Variants in TMEM178B observed in about 807,000 individuals in gnomAD.
TMEM178B encodes the protein transmembrane protein 178B.
In TMEM178B, 5 loss-of-function variants were observed where a neutral mutation model predicts 31.0. That is an observed-to-expected ratio of 0.16 (90% CI 0.08 to 0.34). The LOEUF is 0.34. TMEM178B is among the 10% of genes least tolerant of loss of function. The pLI, the probability that TMEM178B is intolerant of heterozygous loss-of-function variation, is 1.00. For synonymous variants in TMEM178B, 164 were observed against 164.0 expected (o/e 1.00, Z 0.00); for missense variants, 275 against 400.3 (o/e 0.69, Z 2.67).
chr7:141,308,309 GT>G (rs1428655150), intron 2 of TMEM178B, among the ~76,000 whole-genome samples: 3 of 152,228 alleles, frequency 2.0e-5, no homozygotes, highest in Non-Finnish European at 4.4e-5. Flanking sequence ...CTGCTGACAG[GT>G]GGGGCGGGAA....
intron 2 of TMEM178B, among the ~76,000 whole-genome samples, chr7:141,377,888 T>G (rs1800246963): frequency 6.6e-6 from 1 of 152,226 alleles, no homozygotes; most frequent in Admixed American, 6.5e-5. Context: ...TTTCCCTTAC[T>G]GTTAACATAT....
intron 2 of TMEM178B, among the ~76,000 whole-genome samples, chr7:141,433,043 T>C (rs1181739): frequency 0.59 from 89,790 of 152,058 alleles, 27,465 homozygotes; most frequent in African/African-American, 0.76. Context: ...TCAACATCCA[T>C]ATGCACACAG....
In TMEM178B at chr7:141,212,508, C is replaced by G. The variant is rs1797066627; in HGVS notation, c.383-83C>G. The G allele has an allele frequency of 2.5e-6, 3 of 1,186,722 alleles. No homozygotes were observed. In the African/African-American group the frequency reaches 4.6e-5, roughly 18 times the overall value. The allele number at this position is 1,186,722 out of a possible 1,614,324, so 73.5% of individuals were successfully genotyped here. A position where few individuals can be genotyped will look rare whatever the true frequency, so the allele number is the denominator to read the frequency against. The stretch of plus-strand genomic sequence containing the variant: ...CCAATATGAAAGAAGTCTTCTTCTC[C>G]AGGATGGAAAAATTAATCCCAGAAC... On this transcript the variant is annotated intron_variant, in intron 1 of 3. Coordinates refer to ENST00000565468, the MANE Select transcript of TMEM178B (RefSeq NM_001195278.2).
chr7:141,398,839 T>A (rs1800702734), intron 2 of TMEM178B, among the ~76,000 whole-genome samples: 1 of 152,106 alleles, frequency 6.6e-6, no homozygotes, highest in African/African-American at 2.4e-5. Context: ...GCCAAGATCA[T>A]CAAGCTAGGA....
intron 2 of TMEM178B, among the ~76,000 whole-genome samples, chr7:141,312,994 C>T (rs1023715651): frequency 3.3e-5 from 5 of 152,178 alleles, no homozygotes; most frequent in South Asian, 4.1e-4. Flanking sequence ...TAAAGAATGC[C>T]TAGCTGTCTG....
chr7:141,149,371 C>T (rs1795916657), intron 1 of TMEM178B, among the ~76,000 whole-genome samples: 1 of 152,046 alleles, frequency 6.6e-6, no homozygotes, highest in African/African-American at 2.4e-5. Flanking sequence ...ATGGGAAAAC[C>T]CCATCTCTAC....
intron 1 of TMEM178B, among the ~76,000 whole-genome samples, chr7:141,139,805 G>T (rs1586791284): frequency 6.7e-6 from 1 of 149,476 alleles, no homozygotes; most frequent in African/African-American, 2.5e-5. Context: ...CACTCTTGTT[G>T]TCTAGGTTGG....
chr7:141,191,243 T>C (rs1245495697), intron 1 of TMEM178B, among the ~76,000 whole-genome samples: 2 of 152,240 alleles, frequency 1.3e-5, no homozygotes, highest in Middle Eastern at 3.2e-3. Context: ...TGCATGCATG[T>C]ACCATAATTT....
intron 1 of TMEM178B, among the ~76,000 whole-genome samples, chr7:141,139,917 C>G (rs912232602): frequency 5.9e-5 from 9 of 151,930 alleles, no homozygotes; most frequent in African/African-American, 2.2e-4. Context: ...AGGTGGCCAC[C>G]ACCACACCCA....
At chr7:141,305,438 T>C (rs542771720) in intron 2 of TMEM178B, among the ~76,000 whole-genome samples, 1 of 152,016 alleles carries the variant, frequency 6.6e-6, no homozygotes, top group South Asian at 2.1e-4. Context: ...CTTTTTTTCT[T>C]TTTTTTTGAG....
chr7:141,368,804 A>T, intron 2 of TMEM178B, among the ~76,000 whole-genome samples: 1 of 152,236 alleles, frequency 6.6e-6, no homozygotes, highest in Admixed American at 6.5e-5. Flanking sequence ...TTCCAATGGT[A>T]TGAAAACATT....
In TMEM178B at chr7:141,437,051, C is replaced by T. The variant is rs1005336; in HGVS notation, c.497-557C>T. ...TGAAGGAACAGAACACCAGACCCCC[C>T]ATGCTGTTAGCTTTCCCTCACCTGC... On this transcript the variant is annotated intron_variant, in intron 2 of 3. Transcript: ENST00000565468. Among the ~76,000 whole-genome samples, 416 of 152,278 alleles carry T rather than the reference C, an allele frequency of 2.7e-3. 18 individuals carry two copies. The East Asian group carries it at 0.07, about 26-fold the overall frequency.
At chr7:141,193,462 G>A (rs879286782) in intron 1 of TMEM178B, among the ~76,000 whole-genome samples, 2 of 152,200 alleles carry the variant, frequency 1.3e-5, no homozygotes, top group Non-Finnish European at 2.9e-5. Context: ...CCATCAGCAC[G>A]AGTTGCTCCT....
At chr7:141,227,410 C>T (rs563968759) in intron 2 of TMEM178B, among the ~76,000 whole-genome samples, 1 of 152,364 alleles carries the variant, frequency 6.6e-6, no homozygotes, top group South Asian at 2.1e-4. Flanking sequence ...ATAATCACCA[C>T]TTACTGACAG....
intron 2 of TMEM178B, among the ~76,000 whole-genome samples, chr7:141,400,566 C>T (rs1435833702): frequency 1.3e-5 from 2 of 152,192 alleles, no homozygotes; most frequent in Admixed American, 1.3e-4. Context: ...GCCTTTCACC[C>T]ATACTCTTGT....
intron 1 of TMEM178B, among the ~76,000 whole-genome samples, chr7:141,186,963 T>C (rs1159155240): frequency 6.6e-6 from 1 of 152,138 alleles, no homozygotes; most frequent in Non-Finnish European, 1.5e-5. Context: ...TATTATACTT[T>C]AAGTTCTAGG....
At chr7:141,240,783 T>C (rs1394696555) in intron 2 of TMEM178B, among the ~76,000 whole-genome samples, 1 of 152,244 alleles carries the variant, frequency 6.6e-6, no homozygotes, top group East Asian at 1.9e-4. Context: ...TCTACTGCTC[T>C]GAGTTTGTGT....
At chr7:141,170,344 C>G (rs1451575913) in intron 1 of TMEM178B, among the ~76,000 whole-genome samples, 1 of 152,042 alleles carries the variant, frequency 6.6e-6, no homozygotes, top group Non-Finnish European at 1.5e-5. Context: ...CTTACAGGAC[C>G]CCCAAAATAG....
chr7:141,378,565 A>G (rs944071643), intron 2 of TMEM178B, among the ~76,000 whole-genome samples: 4 of 152,152 alleles, frequency 2.6e-5, no homozygotes, highest in Non-Finnish European at 5.9e-5. Context: ...ATTGCCGGAG[A>G]TGGTACTGAG....
Sources: gnomAD v4.1 joint callset for allele counts (sites outside exome capture counted in the v4.1 genomes callset) on GRCh38, gnomAD v4.1.1 for gene constraint, MANE v1.5 for transcripts, NCBI Gene and HGNC (gene_info 2026-07-23, HGNC 2026-07-21) for gene names.